The following GRK5 variants were observed in gnomAD, a reference collection of about 807,000 sequenced individuals.
GRK5 encodes the protein G protein-coupled receptor kinase 5.
In GRK5, 40 loss-of-function variants were observed where a neutral mutation model predicts 78.4. That is an observed-to-expected ratio of 0.51 (90% confidence interval 0.40 to 0.66). GRK5 has a LOEUF of 0.66. Ranked by LOEUF, GRK5 falls within the 30% of genes least tolerant of loss-of-function variation. The pLI, the probability that GRK5 is intolerant of heterozygous loss-of-function variation, is 0.00. For missense variants in GRK5, 598 were observed against 759.9 expected, an observed-to-expected ratio of 0.79 and a Z score of 2.50; for synonymous variants, 289 against 296.8, an observed-to-expected ratio of 0.97 and a Z score of 0.27.
chr10:119,210,026 G>A (rs938034514), intron 1 of GRK5, among the ~76,000 whole-genome samples: 1 of 152,128 alleles, frequency 6.6e-6, no homozygotes, highest in Non-Finnish European at 1.5e-5. Flanking sequence ...AACAAATTGG[G>A]TTTTTTTCCC....
chr10:119,343,815 G>A (rs931531808), intron 2 of GRK5, among the ~76,000 whole-genome samples: 3 of 152,198 alleles, frequency 2.0e-5, no homozygotes, highest in African/African-American at 7.2e-5. Flanking sequence ...CAGGGAGAGA[G>A]CAGAGAGCAA....
chr10:119,441,727 G>A (rs189494288), intron 10 of GRK5, among the ~76,000 whole-genome samples: 170 of 152,334 alleles, frequency 1.1e-3, no homozygotes, highest in African/African-American at 3.9e-3. Context: ...TTCAGCCTTT[G>A]ACTAGGCAGG....
intron 1 of GRK5, among the ~76,000 whole-genome samples, chr10:119,240,797 G>C (rs914914043): frequency 1.3e-5 from 2 of 151,786 alleles, no homozygotes; most frequent in Non-Finnish European, 2.9e-5. Flanking sequence ...TCCCAGTCTA[G>C]ACTTGAACTC....
rs1564925865 is a variant in GRK5 at position 119,415,099 on chromosome 10, A to AAAAAG, written c.340-8062_340-8058dup. Among the ~76,000 whole-genome samples the AAAAAG allele has an allele frequency of 5.4e-5, 8 of 149,206 alleles. 1 individual carries two copies. Among genetic ancestry groups the AAAAAG allele is most frequent in the Non-Finnish European group, 3.0e-5 (2 of 67,564 alleles). ...TCTGTCTCAAAAAAAAAAAAAAAAA[A>AAAAAG]AAAAGAAAAAGAAAAAAGAAATGGC... On this transcript the variant is annotated intron_variant, in intron 4 of 15. Coordinates refer to ENST00000392870, the MANE Select transcript of GRK5 (RefSeq NM_005308.3).
chr10:119,210,261 G>C (rs908826265), intron 1 of GRK5, among the ~76,000 whole-genome samples: 2 of 152,206 alleles, frequency 1.3e-5, no homozygotes, highest in Non-Finnish European at 2.9e-5. Context: ...CGGAAGCAGG[G>C]AGAGACTGAC....
At chr10:119,441,336 G>A (rs1853030781) in intron 10 of GRK5, among the ~76,000 whole-genome samples, 1 of 152,206 alleles carries the variant, frequency 6.6e-6, no homozygotes, top group African/African-American at 2.4e-5. Flanking sequence ...GCAGGGAAGG[G>A]AAGGGGACGT....
chr10:119,384,084 C>T (rs558008612), intron 3 of GRK5, among the ~76,000 whole-genome samples: 1 of 152,294 alleles, frequency 6.6e-6, no homozygotes, highest in South Asian at 2.1e-4. Context: ...TTCTTCAGCT[C>T]TGTGTTCTGG....
intron 4 of GRK5, among the ~76,000 whole-genome samples, chr10:119,411,438 A>G (rs1401949175): frequency 6.6e-6 from 1 of 152,194 alleles, no homozygotes; most frequent in Non-Finnish European, 1.5e-5. Flanking sequence ...GGCAGACTGG[A>G]TGCCATCTTC....
intron 3 of GRK5, among the ~76,000 whole-genome samples, chr10:119,383,298 G>A (rs1018990923): frequency 6.6e-6 from 1 of 152,196 alleles, no homozygotes; most frequent in Non-Finnish European, 1.5e-5. Context: ...TTTGCAGGGT[G>A]GAGTGGGATT....
At position 119,430,694 on chromosome 10, in the gene GRK5, C is replaced by A. The variant is rs1337757388; in HGVS notation, c.597+256C>A. On this transcript the variant is annotated intron_variant, in intron 7 of 15. Coordinates refer to ENST00000392870, the MANE Select transcript of GRK5 (RefSeq NM_005308.3). This position sits in a 1 kb window ranked among gnomAD's most constrained non-coding sequence, Gnocchi z 4.5. ...CCTGCCAGCCTCAGGCAGGATCCAG[C>A]CTGCAGAGGACAAATGGGCAGCCCT... Among the ~76,000 whole-genome samples the A allele has an allele frequency of 6.6e-6, 1 of 151,962 alleles. No homozygotes were observed. Among genetic ancestry groups the A allele is most frequent in the East Asian group, 1.9e-4 (1 of 5,156 alleles).
At chr10:119,303,147 A>T (rs973665638) in intron 1 of GRK5, among the ~76,000 whole-genome samples, 1 of 152,210 alleles carries the variant, frequency 6.6e-6, no homozygotes, top group Non-Finnish European at 1.5e-5. Flanking sequence ...TGACCAGGGC[A>T]TATGCAGAGT....
At position 119,455,184 on chromosome 10, in the gene GRK5, G is replaced by A; in HGVS notation, c.*117G>A. The A allele has an allele frequency of 1.2e-6, 1 of 827,138 alleles. No homozygotes were observed. The highest frequency in any genetic ancestry group is 2.1e-6 in the Non-Finnish European group (1 of 484,442). 51.2% of individuals were successfully genotyped at this position (827,138 alleles called of 1,614,324 possible). ...GCCAGGGGAGACCCCGGGAGCCGGG[G>A]AAGGAGGCCGTCCATCCCGTCGACG... On this transcript the variant is annotated 3_prime_UTR_variant, in exon 16 of 16. Coordinates refer to ENST00000392870, the MANE Select transcript of GRK5 (RefSeq NM_005308.3).
In GRK5 at chr10:119,443,623, C is replaced by T. The variant is rs372655409; in HGVS notation, c.1137C>T (p.Ile379=). The change falls in exon 12 of 16, where the codon ATC becomes ATT. Residue 379 remains isoleucine, a synonymous_variant. Transcript: ENST00000392870. ...WGLGCLIYEM[I]EGQSPFRGRK... ...TTGGCTGCCTCATCTATGAGATGATCGAGGGCCAGTCGCCGTTCCGCGGCC... is the reference window on the plus strand; with the variant it reads ...TTGGCTGCCTCATCTATGAGATGATTGAGGGCCAGTCGCCGTTCCGCGGCC... 1.7e-4 allele frequency: 278 copies of T among 1,613,518 alleles called. No homozygotes were observed. The highest frequency in any genetic ancestry group is 2.1e-4 in the Non-Finnish European group (253 of 1,179,938).
intron 3 of GRK5, among the ~76,000 whole-genome samples, chr10:119,381,582 C>T (rs1377358921): frequency 6.6e-6 from 1 of 152,250 alleles, no homozygotes; most frequent in Non-Finnish European, 1.5e-5. Flanking sequence ...ATTGCATGGG[C>T]TTTTAAGACA....
chr10:119,339,338 T>A (rs1230382446), intron 2 of GRK5, among the ~76,000 whole-genome samples: 1 of 152,168 alleles, frequency 6.6e-6, no homozygotes, highest in East Asian at 1.9e-4. Flanking sequence ...AAAGAGATGC[T>A]AGGAAAACAC....
At position 119,458,369 on chromosome 10, in the gene GRK5, C is replaced by T. The variant is rs1249523161; in HGVS notation, c.*3302C>T. The stretch of plus-strand genomic sequence containing the variant: ...ACCCAAAATAGCAAGAAGACCCGGT[C>T]CCCGCCTTGCGGACGATGCACTCAC... On this transcript the variant is annotated 3_prime_UTR_variant, in exon 16 of 16. Coordinates refer to ENST00000392870, the MANE Select transcript of GRK5 (RefSeq NM_005308.3). The T allele has an allele frequency of 6.6e-6, 1 of 152,312 alleles. No individual in the cohort carries two copies. Among genetic ancestry groups the T allele is most frequent in the African/African-American group, 2.4e-5 (1 of 41,452 alleles). 9.4% of individuals were successfully genotyped at this position (152,312 alleles called of 1,614,324 possible).
chr10:119,328,566 A>G (rs530900705), intron 2 of GRK5, among the ~76,000 whole-genome samples: 53 of 152,278 alleles, frequency 3.5e-4, no homozygotes, highest in African/African-American at 1.2e-3. Context: ...CCATTCCTGG[A>G]TGCTGAGCCC....
chr10:119,215,859 C>A (rs1489924897), intron 1 of GRK5, among the ~76,000 whole-genome samples: 1 of 152,220 alleles, frequency 6.6e-6, no homozygotes, highest in African/African-American at 2.4e-5. Context: ...TGCGGCAGAT[C>A]TACAGAAAGA....
intron 3 of GRK5, among the ~76,000 whole-genome samples, chr10:119,391,825 C>T (rs1282336434): frequency 7.9e-5 from 12 of 152,188 alleles, no homozygotes; most frequent in Admixed American, 7.2e-4. Context: ...CCAGGCGTGT[C>T]ACTTGTCCCT....
Sources: gnomAD v4.1 joint callset for allele counts (sites outside exome capture counted in the v4.1 genomes callset) on GRCh38, gnomAD v4.1.1 for gene constraint, Gnocchi (gnomAD v3.1) non-coding constraint, MANE v1.5 for transcripts, NCBI Gene and HGNC (gene_info 2026-07-23, HGNC 2026-07-21) for gene names.